Variants in GNA12 observed in about 807,000 individuals in gnomAD.
The protein encoded by GNA12 is G protein subunit alpha 12, also known as guanine nucleotide-binding protein subunit alpha-12.
A neutral mutation model predicts 26.0 loss-of-function variants in GNA12; 9 were observed. The ratio of observed to expected loss-of-function variants is 0.35; its 90% CI spans 0.21 to 0.60. The LOEUF (loss-of-function observed/expected upper bound fraction) is 0.60, where lower values mean the gene tolerates loss of function less well. Ranked by LOEUF, GNA12 falls within the 20% of genes least tolerant of loss-of-function variation. The pLI is 0.78. For missense variants in GNA12, 405 were observed against 525.8 expected (o/e 0.77, Z 2.25); for synonymous variants, 264 against 219.6 (o/e 1.20, Z -1.79).
chr7:2,791,534 C>T (rs943154193), intron 2 of GNA12, among the ~76,000 whole-genome samples: 25 of 152,110 alleles, frequency 1.6e-4, no homozygotes, highest in African/African-American at 5.3e-4. Flanking sequence ...AAAAGCAAGA[C>T]GGCAGAGGGA....
intron 2 of GNA12, among the ~76,000 whole-genome samples, chr7:2,749,797 G>T (rs536395215): frequency 6.6e-6 from 1 of 152,158 alleles, no homozygotes; most frequent in South Asian, 2.1e-4. Context: ...AAGAGACTGG[G>T]GATGAGAGAG....
chr7:2,831,832 C>G (rs1778673309), intron 1 of GNA12, among the ~76,000 whole-genome samples: 3 of 152,188 alleles, frequency 2.0e-5, no homozygotes, highest in African/African-American at 7.2e-5. Flanking sequence ...TAAAAGTGTT[C>G]TTAGTATTAT....
At chr7:2,824,980 T>C (rs1224076166) in intron 1 of GNA12, among the ~76,000 whole-genome samples, 2 of 152,070 alleles carry the variant, frequency 1.3e-5, no homozygotes, top group Non-Finnish European at 2.9e-5. Context: ...TCAGGCCCCG[T>C]GAGGGTGAGG....
At chr7:2,744,895 G>C (rs372515308) in intron 2 of GNA12, among the ~76,000 whole-genome samples, 1 of 152,170 alleles carries the variant, frequency 6.6e-6, no homozygotes, top group African/African-American at 2.4e-5. Flanking sequence ...GAGCCGATGC[G>C]ATGAACTGGA....
chr7:2,799,943 T>C (rs1792769002), intron 1 of GNA12, among the ~76,000 whole-genome samples: 1 of 152,188 alleles, frequency 6.6e-6, no homozygotes, highest in African/African-American at 2.4e-5. Context: ...GAATGTCAAA[T>C]GGCACAAACT....
intron 1 of GNA12, among the ~76,000 whole-genome samples, chr7:2,804,442 G>A (rs1792892799): frequency 6.6e-6 from 1 of 152,164 alleles, no homozygotes; most frequent in South Asian, 2.1e-4. Flanking sequence ...ACTATGGTCT[G>A]AGTGCCACTG....
intron 2 of GNA12, among the ~76,000 whole-genome samples, chr7:2,780,620 T>C (rs1213686968): frequency 6.6e-6 from 1 of 152,238 alleles, no homozygotes; most frequent in Non-Finnish European, 1.5e-5. Flanking sequence ...AATCACACTA[T>C]ATATGTGCTT....
At chr7:2,755,175 A>G (rs1329222873) in intron 2 of GNA12, among the ~76,000 whole-genome samples, 1 of 151,962 alleles carries the variant, frequency 6.6e-6, no homozygotes, top group African/African-American at 2.4e-5. Flanking sequence ...GCAGGGAGAC[A>G]ACAGGCCTTG....
At chr7:2,842,386 C>T (rs1485212379) in intron 1 of GNA12, among the ~76,000 whole-genome samples, 6 of 152,088 alleles carry the variant, frequency 3.9e-5, no homozygotes, top group East Asian at 1.9e-4. Flanking sequence ...GCAGCCTCAA[C>T]CTCCCAGGCT....
At chr7:2,762,499 G>C (rs569333076) in intron 2 of GNA12, 2 of 852,374 alleles carry the variant, frequency 2.3e-6, no homozygotes, top group African/African-American at 3.5e-5. Flanking sequence ...TGAGGTGTGA[G>C]TAGCCTAACT....
At chr7:2,792,140 C>T (rs1008918826) in intron 2 of GNA12, among the ~76,000 whole-genome samples, 3 of 152,220 alleles carry the variant, frequency 2.0e-5, no homozygotes. Flanking sequence ...AAAGCTCACT[C>T]GCTGGAGACA....
chr7:2,773,454 C>T (rs956498380), intron 2 of GNA12, among the ~76,000 whole-genome samples: 6 of 151,972 alleles, frequency 3.9e-5, no homozygotes, highest in African/African-American at 1.5e-4. Flanking sequence ...CCCAGCTACT[C>T]GGGAGGCTGA....
intron 1 of GNA12, among the ~76,000 whole-genome samples, chr7:2,816,071 G>A (rs769713906): frequency 1.3e-5 from 2 of 152,186 alleles, no homozygotes; most frequent in African/African-American, 4.8e-5. Context: ...GCGTGGACAC[G>A]GACACACAGT....
chr7:2,801,968 T>C (rs999499811), intron 1 of GNA12, among the ~76,000 whole-genome samples: 6 of 152,256 alleles, frequency 3.9e-5, no homozygotes, highest in South Asian at 4.1e-4. Flanking sequence ...TTATATAGAA[T>C]TGCTAAAGTC....
At chr7:2,751,199 C>T (rs1034318130) in intron 2 of GNA12, among the ~76,000 whole-genome samples, 3 of 151,908 alleles carry the variant, frequency 2.0e-5, no homozygotes, top group African/African-American at 7.3e-5. Flanking sequence ...ACCTGGGCAA[C>T]ATGGTAAAAC....
intron 2 of GNA12, among the ~76,000 whole-genome samples, chr7:2,758,358 T>C (rs1344395300): frequency 3.9e-5 from 6 of 152,196 alleles, no homozygotes; most frequent in Non-Finnish European, 5.9e-5. Flanking sequence ...GTGTGGCCTC[T>C]GAAAAGCTCC....
intron 1 of GNA12, among the ~76,000 whole-genome samples, chr7:2,813,257 A>G: frequency 6.6e-6 from 1 of 152,262 alleles, no homozygotes; most frequent in East Asian, 1.9e-4. Flanking sequence ...AAGATGAAAC[A>G]AAGTTTCAAA....
chr7:2,742,662 A>C (rs1158100750), intron 2 of GNA12, among the ~76,000 whole-genome samples: 1 of 152,200 alleles, frequency 6.6e-6, no homozygotes, highest in East Asian at 1.9e-4. Flanking sequence ...CTGTCCCCGC[A>C]AACACCTGCA....
intron 2 of GNA12, among the ~76,000 whole-genome samples, chr7:2,754,209 C>T (rs572676017): frequency 1.8e-4 from 27 of 152,286 alleles, no homozygotes; most frequent in Admixed American, 1.6e-3. Flanking sequence ...TCTGCATCTC[C>T]CTTAATTGGC....
Sources: gnomAD v4.1 joint callset for allele counts (sites outside exome capture counted in the v4.1 genomes callset) on GRCh38, gnomAD v4.1.1 for gene constraint, MANE v1.5 for transcripts, NCBI Gene and HGNC (gene_info 2026-07-23, HGNC 2026-07-21) for gene names.